POLN: variants seen among roughly 807,000 people sequenced by gnomAD.
The protein encoded by POLN is DNA polymerase nu.
Under a neutral mutation model 113.5 loss-of-function variants are expected in POLN, and 108 were observed. The ratio of observed to expected loss-of-function variants is 0.95; its 90% CI spans 0.81 to 1.12. The LOEUF (loss-of-function observed/expected upper bound fraction) is 1.12. POLN is among the 50% of genes most tolerant of loss of function. The probability of loss-of-function intolerance (pLI) is 0.00; values close to 1 mark genes in which losing one functional copy is unlikely to be tolerated. For synonymous variants in POLN, 386 were observed against 391.5 expected (o/e 0.99, Z 0.17); for missense variants, 1,097 against 1,077.1 (o/e 1.02, Z -0.26).
chr4:2,163,398 A>C (rs956517175), intron 13 of POLN, among the ~76,000 whole-genome samples: 5 of 152,254 alleles, frequency 3.3e-5, no homozygotes, highest in Admixed American at 6.5e-5. Flanking sequence ...TCTTGACTTG[A>C]GCAGCCTGAG....
intron 24 of POLN, among the ~76,000 whole-genome samples, chr4:2,074,670 G>A (rs1429766023): frequency 3.9e-5 from 6 of 152,222 alleles, no homozygotes; most frequent in Admixed American, 6.5e-5. Flanking sequence ...AGGGCATGGC[G>A]ACCACCACTC....
intron 2 of POLN, among the ~76,000 whole-genome samples, chr4:2,237,603 T>G (rs1734812416): frequency 1.3e-5 from 2 of 152,198 alleles, no homozygotes. Context: ...CTGAGTTTTC[T>G]GTTATGTGAA....
intron 19 of POLN, among the ~76,000 whole-genome samples, chr4:2,114,393 C>T (rs933568684): frequency 1.3e-5 from 2 of 152,150 alleles, no homozygotes; most frequent in Non-Finnish European, 2.9e-5. Context: ...GCCTGAAGAA[C>T]CTCTTTTACC....
Position 2,192,831 on chromosome 4 carries a change from A to T in POLN, c.1021+373T>A, listed in dbSNP as rs1733485223. Among the ~76,000 whole-genome samples the T allele has an allele frequency of 4.0e-5, 6 of 150,668 alleles. No homozygotes were observed. The South Asian group carries it at 1.0e-3, about 26-fold the overall frequency. On this transcript the variant is annotated intron_variant, in intron 7 of 25. Coordinates refer to ENST00000511885, the MANE Select transcript of POLN (RefSeq NM_181808.4). ...AAAATAAAAATATATATATATATTT[A>T]AAATCTTTACTATTTTAAATAAAAG...
At chr4:2,106,091 A>G (rs868583232) in intron 19 of POLN, among the ~76,000 whole-genome samples, 2 of 152,010 alleles carry the variant, frequency 1.3e-5, no homozygotes, top group African/African-American at 4.8e-5. Context: ...GGCCTACTAC[A>G]TTTATAATGC....
intron 2 of POLN, 67 bp downstream of exon 2, chr4:2,241,453 T>G: frequency 2.0e-6 from 2 of 976,800 alleles, no homozygotes; most frequent in Non-Finnish European, 2.4e-6. Flanking sequence ...CTCTCTTCCC[T>G]GCCCTCCGTA....
At chr4:2,087,312 CTCTT>C (rs1406697889) in intron 20 of POLN, among the ~76,000 whole-genome samples, 4 of 152,196 alleles carry the variant, frequency 2.6e-5, no homozygotes, top group Non-Finnish European at 5.9e-5. Flanking sequence ...TCATCTATGA[CTCTT>C]TCTTTCTGTC....
At position 2,072,133 on chromosome 4, in the gene POLN, GA is replaced by G; in HGVS notation, c.2683del (p.Ser895ArgfsTer63). On this transcript the variant is annotated frameshift_variant, in exon 26 of 26. Transcript: ENST00000511885. LOFTEE classifies it high-confidence loss of function. ...CTGGGGCTACAGACAAAATGAAGGC[GA>G]AAAATGCAGGGGTGGGGGCTGGGTG... Reference protein sequence around the residue: ...ASTQPPPLHFSPSFCL With the variant: ...ASTQPPPLHFXPSFCL 6.3e-7 allele frequency: 1 copy of G among 1,599,500 alleles called. No individual in the cohort carries two copies. The highest frequency in any genetic ancestry group is 8.6e-7 in the Non-Finnish European group (1 of 1,168,448).
chr4:2,092,115 G>A (rs1055350196), intron 20 of POLN, among the ~76,000 whole-genome samples: 1 of 152,198 alleles, frequency 6.6e-6, no homozygotes, highest in Non-Finnish European at 1.5e-5. Context: ...AGGGACTCCT[G>A]CAGATGCACT....
intron 4 of POLN, among the ~76,000 whole-genome samples, chr4:2,211,919 G>A (rs978958443): frequency 3.3e-5 from 5 of 152,104 alleles, no homozygotes; most frequent in Non-Finnish European, 2.9e-5. Flanking sequence ...GTTCACCACT[G>A]AGAGATACAA....
chr4:2,184,295 C>T (rs1030513061), intron 7 of POLN, among the ~76,000 whole-genome samples: 1 of 150,676 alleles, frequency 6.6e-6, no homozygotes, highest in African/African-American at 2.4e-5. Context: ...TTTGGACATT[C>T]AGACAAAAAG....
Position 2,191,551 on chromosome 4 carries a change from G to A in POLN, c.1021+1653C>T, listed in dbSNP as rs574175853. ...AAGGTGATAGATATCCCATTTACCC[G>A]GATTTGATTATTACACATTATATGA... is the stretch of plus-strand genomic sequence containing the variant. On this transcript the variant is annotated intron_variant, in intron 7 of 25. Coordinates refer to ENST00000511885, the MANE Select transcript of POLN (RefSeq NM_181808.4). Among the ~76,000 whole-genome samples the A allele has an allele frequency of 1.3e-4, 20 of 151,916 alleles. 1 individual carries two copies. The highest frequency in any genetic ancestry group is 9.8e-4 in the Admixed American group (15 of 15,254).
At chr4:2,132,680 A>G (rs2108726853) in intron 16 of POLN, among the ~76,000 whole-genome samples, 1 of 152,350 alleles carries the variant, frequency 6.6e-6, no homozygotes, top group South Asian at 2.1e-4. Flanking sequence ...AGACCAGAAG[A>G]CAATGGAGCC....
chr4:2,226,257 CAGG>C (rs755190438), intron 3 of POLN, among the ~76,000 whole-genome samples: 1 of 152,224 alleles, frequency 6.6e-6, no homozygotes, highest in African/African-American at 2.4e-5. Context: ...AACTCACTGA[CAGG>C]CACCTGGCCA....
At chr4:2,146,193 G>A (rs576312089) in intron 16 of POLN, among the ~76,000 whole-genome samples, 2 of 152,234 alleles carry the variant, frequency 1.3e-5, no homozygotes, top group East Asian at 3.9e-4. Flanking sequence ...CTTGGGAAAG[G>A]ATTAACAGGG....
chr4:2,080,192 T>G, intron 23 of POLN: 1 of 986,104 alleles, frequency 1.0e-6, no homozygotes, highest in Non-Finnish European at 1.2e-6. Flanking sequence ...GGAGAGGAGG[T>G]GTCTGGGTCA....
In POLN at chr4:2,084,783, G is replaced by T. The variant is rs544551039; in HGVS notation, c.2197+830C>A. On this transcript the variant is annotated intron_variant, in intron 21 of 25. Coordinates refer to ENST00000511885, the MANE Select transcript of POLN (RefSeq NM_181808.4). Reference sequence around the variant, plus strand: ...TGGTCCTGCTGAGGCCAACTCTCCAGCTGATTTCCTCACTCCCAGTGAGTG... The same window carrying T: ...TGGTCCTGCTGAGGCCAACTCTCCATCTGATTTCCTCACTCCCAGTGAGTG... Among the ~76,000 whole-genome samples the T allele has an allele frequency of 3.3e-5, 5 of 152,354 alleles. No homozygotes were observed. The South Asian group carries it at 1.0e-3, about 32-fold the overall frequency.
At chr4:2,115,266 C>T (rs1461592890) in intron 19 of POLN, among the ~76,000 whole-genome samples, 1 of 147,982 alleles carries the variant, frequency 6.8e-6, no homozygotes, top group Non-Finnish European at 1.5e-5. Flanking sequence ...TGGGGTTTCA[C>T]CATGTTGGCC....
At chr4:2,177,414 C>T in intron 8 of POLN, 1 of 354,174 alleles carries the variant, frequency 2.8e-6, no homozygotes, top group Admixed American at 3.5e-5. Flanking sequence ...CAATTCATGC[C>T]ACCTCTTTGG....
Sources: gnomAD v4.1 joint callset for allele counts (sites outside exome capture counted in the v4.1 genomes callset) on GRCh38, gnomAD v4.1.1 for gene constraint, MANE v1.5 for transcripts, NCBI Gene and HGNC (gene_info 2026-07-23, HGNC 2026-07-21) for gene names.